The following ESR1 variants were observed in gnomAD, a reference collection of about 807,000 sequenced individuals.
ESR1 encodes the protein estrogen receptor 1.
In ESR1, 12 loss-of-function variants were observed where a neutral mutation model predicts 52.7. That is an observed-to-expected ratio of 0.23 (90% CI 0.15 to 0.37). ESR1 has a LOEUF of 0.37. Ranked by LOEUF, ESR1 falls within the 10% of genes least tolerant of loss-of-function variation. The pLI is 1.00. For missense variants in ESR1, 584 were observed against 779.7 expected, an observed-to-expected ratio of 0.75 and a Z score of 2.99; for synonymous variants, 305 against 316.8, an observed-to-expected ratio of 0.96 and a Z score of 0.39.
chr6:151,834,701 A>T (rs966716370), intron 1 of ESR1, among the ~76,000 whole-genome samples: 2 of 151,076 alleles, frequency 1.3e-5, no homozygotes, highest in African/African-American at 4.9e-5. Flanking sequence ...AGTATAATTA[A>T]AAAAAAAAGA....
intron 6 of ESR1, among the ~76,000 whole-genome samples, chr6:152,114,841 A>G (rs2051189937): frequency 1.5e-5 from 2 of 135,010 alleles, no homozygotes; most frequent in East Asian, 5.0e-4. Context: ...CAGTGAGCCG[A>G]GATCGCGCCA....
chr6:152,095,832 T>C (rs1468361665), intron 7 of ESR1, among the ~76,000 whole-genome samples: 1 of 152,238 alleles, frequency 6.6e-6, no homozygotes, highest in Non-Finnish European at 1.5e-5. Flanking sequence ...CTGTGAGCCA[T>C]CATTGCAATA....
chr6:152,078,654 G>A (rs551580233), intron 6 of ESR1, among the ~76,000 whole-genome samples: 5 of 152,268 alleles, frequency 3.3e-5, no homozygotes, highest in African/African-American at 4.8e-5. Flanking sequence ...AGGGTGAGCC[G>A]AACTGGGGCA....
chr6:151,708,556 T>A (rs1318701523), intron 2 of ESR1, among the ~76,000 whole-genome samples: 1 of 152,172 alleles, frequency 6.6e-6, no homozygotes, highest in African/African-American at 2.4e-5. Flanking sequence ...TTGGAGAGTA[T>A]CATTTTCCTC....
chr6:151,777,214 T>C (rs1326072792), intron 2 of ESR1, among the ~76,000 whole-genome samples: 1 of 151,104 alleles, frequency 6.6e-6, no homozygotes, highest in African/African-American at 2.4e-5. Context: ...GCCTCCCTGG[T>C]TCAAGCGATT....
intron 2 of ESR1, among the ~76,000 whole-genome samples, chr6:151,739,850 G>T (rs536440724): frequency 1.8e-4 from 27 of 152,202 alleles, no homozygotes; most frequent in Admixed American, 5.2e-4. Context: ...CATTCTGGCC[G>T]CAGTCTTCTA....
chr6:151,869,800 A>G (rs1232239072), intron 2 of ESR1, among the ~76,000 whole-genome samples: 2 of 152,178 alleles, frequency 1.3e-5, no homozygotes, highest in African/African-American at 4.8e-5. Context: ...CAAATAATAT[A>G]TTTTTCTTCC....
intron 3 of ESR1, among the ~76,000 whole-genome samples, chr6:151,925,094 C>T (rs917473501): frequency 1.3e-5 from 2 of 149,230 alleles, no homozygotes; most frequent in African/African-American, 5.1e-5. Flanking sequence ...ATAAGTCTTC[C>T]CTTTTCTCCA....
rs529703365 is a variant in ESR1, at chr6:151,673,042, G to T, written n.73+16279G>T. On this transcript the variant is annotated intron_variant and non_coding_transcript_variant, in intron 1 of 2. Transcript: ENST00000473497. ...AGAGTTTCACCGTATTAGCCAGAAT[G>T]GTCTCAATCTTCTGACCTCGTGATC... Among the ~76,000 whole-genome samples the T allele has an allele frequency of 6.6e-5, 10 of 150,796 alleles. No individual in the cohort carries two copies. In the East Asian group the frequency reaches 2.0e-3, roughly 30 times the overall value.
chr6:152,094,311 C>A lies in ESR1; in HGVS notation c.1370-74C>A, dbSNP rs2152495109. On this transcript the variant is annotated intron_variant, in intron 6 of 7. Transcript: ENST00000206249. The surrounding 1 kb of genome is among the most constrained non-coding windows in gnomAD (Gnocchi z 4.6). Reference sequence around the variant, plus strand: ...AAGGGCACTGGCTCATTGTTACATCCCATGAACACTCTGGGTCTCCTAGAC... The same window carrying A: ...AAGGGCACTGGCTCATTGTTACATCACATGAACACTCTGGGTCTCCTAGAC... 1 of 1,303,338 alleles carries A rather than the reference C, an allele frequency of 7.7e-7. No individual in the cohort carries two copies. 80.7% of individuals were successfully genotyped at this position (1,303,338 alleles called of 1,614,324 possible).
In ESR1 at chr6:152,099,211, A is replaced by G. The variant is rs2050872321; in HGVS notation, c.*245A>G. On this transcript the variant is annotated 3_prime_UTR_variant, in exon 8 of 8. Coordinates refer to ENST00000206249, the MANE Select transcript of ESR1 (RefSeq NM_000125.4). Reference sequence around the variant, plus strand: ...GTAACAGCTCTCTTTCCCCCTTGCTATGTTACTAAGCGTGAGGATTCCCGT... The same window carrying G: ...GTAACAGCTCTCTTTCCCCCTTGCTGTGTTACTAAGCGTGAGGATTCCCGT... 6 of 556,808 alleles carry G rather than the reference A, an allele frequency of 1.1e-5. No homozygotes were observed. In the Admixed American group the frequency reaches 1.7e-4, roughly 16 times the overall value. 34.5% of individuals were successfully genotyped at this position (556,808 alleles called of 1,614,324 possible).
chr6:151,658,079 A>G (rs546714311), intron 1 of ESR1, among the ~76,000 whole-genome samples: 44 of 152,316 alleles, frequency 2.9e-4, no homozygotes, highest in East Asian at 1.9e-4. Context: ...ATTAGATTTT[A>G]GCCATCCAAG....
intron 5 of ESR1, among the ~76,000 whole-genome samples, chr6:152,045,042 A>C (rs1211092970): frequency 6.6e-6 from 1 of 152,230 alleles, no homozygotes; most frequent in Non-Finnish European, 1.5e-5. Flanking sequence ...ATATCAGTAT[A>C]AATTAGATAA....
chr6:151,702,045 A>T (rs746936312), intron 2 of ESR1: 2 of 152,158 alleles, frequency 1.3e-5, no homozygotes, highest in Non-Finnish European at 2.9e-5. Flanking sequence ...CTCTCTCCTG[A>T]CTTTGTCCGT....
At chr6:151,768,369 T>C (rs1785233993) in intron 2 of ESR1, among the ~76,000 whole-genome samples, 1 of 152,106 alleles carries the variant, frequency 6.6e-6, no homozygotes, top group African/African-American at 2.4e-5. Flanking sequence ...TTCCACAAAA[T>C]AGCTGGCTAG....
intron 2 of ESR1, among the ~76,000 whole-genome samples, chr6:151,749,192 C>CAA (rs34553218): frequency 8.5e-6 from 1 of 117,510 alleles, no homozygotes; most frequent in Non-Finnish European, 1.8e-5. Context: ...TGGGAAAAGA[C>CAA]AAAAAAAAAA....
chr6:151,722,650 A>T (rs1179139345), intron 2 of ESR1, among the ~76,000 whole-genome samples: 1 of 152,250 alleles, frequency 6.6e-6, no homozygotes, highest in Non-Finnish European at 1.5e-5. Context: ...AAATCCTATT[A>T]AAAGCTAATT....
intron 4 of ESR1, among the ~76,000 whole-genome samples, chr6:151,952,516 C>T (rs745485555): frequency 7.9e-5 from 12 of 152,170 alleles, no homozygotes; most frequent in African/African-American, 1.4e-4. Flanking sequence ...CCTAATGAGA[C>T]GCCTGACTTC....
At chr6:151,721,740 C>T (rs1005835833) in intron 2 of ESR1, among the ~76,000 whole-genome samples, 3 of 152,226 alleles carry the variant, frequency 2.0e-5, no homozygotes, top group Admixed American at 6.5e-5. Context: ...CCTCTCCTTT[C>T]CAGAAATTCA....
Sources: gnomAD v4.1 joint callset for allele counts (sites outside exome capture counted in the v4.1 genomes callset) on GRCh38, gnomAD v4.1.1 for gene constraint, Gnocchi (gnomAD v3.1) non-coding constraint, MANE v1.5 for transcripts, NCBI Gene and HGNC (gene_info 2026-07-23, HGNC 2026-07-21) for gene names.